The following CLSTN1 variants were observed in gnomAD, a reference collection of about 807,000 sequenced individuals.
CLSTN1 encodes the protein calsyntenin-1.
CLSTN1 carries 28 observed loss-of-function variants against 108.3 expected under a neutral mutation model. The ratio of observed to expected loss-of-function variants is 0.26; its 90% confidence interval spans 0.19 to 0.35. CLSTN1 has a LOEUF of 0.35. CLSTN1 is among the 10% of genes least tolerant of loss of function. CLSTN1 has a pLI of 1.00. For missense variants in CLSTN1, 1,157 were observed against 1,302.6 expected (o/e 0.89, Z 1.72); for synonymous variants, 524 against 534.9 (o/e 0.98, Z 0.28).
At chr1:9,746,576 T>G in intron 7 of CLSTN1, among the ~76,000 whole-genome samples, 1 of 152,186 alleles carries the variant, frequency 6.6e-6, no homozygotes, top group East Asian at 1.9e-4. Context: ...GAGCCAGGCA[T>G]GATGGCAGAT....
chr1:9,744,624 G>A lies in CLSTN1; in HGVS notation c.1005C>T (p.Ala335=), dbSNP rs757962287. 57 of 1,611,374 alleles carry A rather than the reference G, an allele frequency of 3.5e-5. No homozygotes were observed. The highest frequency in any genetic ancestry group is 6.7e-5 in the African/African-American group (5 of 74,908). Residue 335 remains alanine, a synonymous_variant, in exon 8 of 19, where the codon GCC becomes GCT. Coordinates refer to ENST00000377298, the MANE Select transcript of CLSTN1 (RefSeq NM_001009566.3). ...HRLCGAAAGT[A]ELLPSPSGSL... is the part of the protein sequence containing the mutation. Reference sequence around the variant, plus strand: ...ATCCACTCGGGGATGGCAGCAGCTCGGCAGTGCCCGCGGCCGCACCTGAAG... The same window carrying A: ...ATCCACTCGGGGATGGCAGCAGCTCAGCAGTGCCCGCGGCCGCACCTGAAG...
chr1:9,749,872 G>A lies in CLSTN1; in HGVS notation c.691C>T (p.His231Tyr), dbSNP rs1651470821. The A allele has an allele frequency of 6.2e-7, 1 of 1,613,656 alleles. No individual in the cohort carries two copies. The highest frequency in any genetic ancestry group is 1.3e-5 in the African/African-American group (1 of 74,894). Reference protein sequence around the residue: ...NTEKLNYGKEHQYKLTVTAYD... With the variant: ...NTEKLNYGKEYQYKLTVTAYD... ...GCAGTGACGGTCAGCTTATATTGAT[G>A]TTCTTTCCCGTAGTTTAATTTCTCT... The change falls in exon 6 of 19, where the codon CAT becomes TAT. Residue 231 changes from histidine to tyrosine, a missense_variant. By Grantham distance (83) the His-to-Tyr change is moderately conservative. Transcript: ENST00000377298.
intron 1 of CLSTN1, among the ~76,000 whole-genome samples, chr1:9,800,944 T>G (rs1168092223): frequency 6.9e-6 from 1 of 145,946 alleles, no homozygotes; most frequent in African/African-American, 2.6e-5. Context: ...GTCTCAAAAA[T>G]AAATAAATAA....
rs1364303605 is a variant in CLSTN1 at position 9,745,808 on chromosome 1, G to A, written c.986-1165C>T. On this transcript the variant is annotated intron_variant, in intron 7 of 18. Coordinates refer to ENST00000377298, the MANE Select transcript of CLSTN1 (RefSeq NM_001009566.3). ...TTTTTGAGACAGGGTCTCCTCTCTC[G>A]CCCAGGCTGCAGTGCAGTGGTGCAG... Among the ~76,000 whole-genome samples the A allele has an allele frequency of 4.4e-5, 5 of 113,546 alleles. No homozygotes were observed. The South Asian group carries it at 1.3e-3, about 29-fold the overall frequency. 74.5% of individuals were successfully genotyped at this position (113,546 alleles called of 152,430 possible). A position where few individuals can be genotyped will look rare whatever the true frequency, so the allele number is the denominator to read the frequency against.
intron 1 of CLSTN1, among the ~76,000 whole-genome samples, chr1:9,816,053 C>T (rs1385447842): frequency 2.0e-5 from 3 of 152,088 alleles, no homozygotes; most frequent in Non-Finnish European, 4.4e-5. Context: ...AATTCCTGTA[C>T]AAAAATGTTC....
In CLSTN1 at chr1:9,735,869, G is replaced by T; in HGVS notation, c.1734+16C>A. On this transcript the variant is annotated intron_variant, in intron 12 of 18. Coordinates refer to ENST00000377298, the MANE Select transcript of CLSTN1 (RefSeq NM_001009566.3). ...AGGGGCCCATGAGTGGTGTGCAGTC[G>T]AGCGCTCGGTGTTACCTGCACGCCT... is the stretch of plus-strand genomic sequence containing the variant. 2 of 1,613,648 alleles carry T rather than the reference G, an allele frequency of 1.2e-6. No homozygotes were observed. The highest frequency in any genetic ancestry group is 8.5e-7 in the Non-Finnish European group (1 of 1,179,874).
intron 1 of CLSTN1, among the ~76,000 whole-genome samples, chr1:9,775,229 C>T (rs1652878021): frequency 6.6e-6 from 1 of 152,012 alleles, no homozygotes; most frequent in African/African-American, 2.4e-5. Flanking sequence ...CCCAATAGAT[C>T]TCAACCTTAT....
intron 1 of CLSTN1, among the ~76,000 whole-genome samples, chr1:9,797,346 T>A (rs982559517): frequency 4.0e-5 from 6 of 151,710 alleles, no homozygotes; most frequent in Non-Finnish European, 8.8e-5. Context: ...AGAAAGAAAA[T>A]CAATCAGGCT....
At position 9,734,137 on chromosome 1, in the gene CLSTN1, C is replaced by G. The variant is rs1283925666; in HGVS notation, c.2116G>C (p.Glu706Gln). 1 of 1,613,898 alleles carries G rather than the reference C, an allele frequency of 6.2e-7. No homozygotes were observed. Residue 706 changes from glutamate to glutamine, a missense_variant, in exon 15 of 19, where the codon GAA becomes CAA. By Grantham distance (29) the Glu-to-Gln change is conservative. Transcript: ENST00000377298. This position sits in a 1 kb window ranked among gnomAD's most constrained non-coding sequence, Gnocchi z 4.8. Reference sequence around the variant, plus strand: ...ACGATCTCCTCGGACACCAGTGATTCTTGAACTGCAAAAGAGGCCCAACCA... The same window carrying G: ...ACGATCTCCTCGGACACCAGTGATTGTTGAACTGCAAAAGAGGCCCAACCA... The part of the protein sequence containing the change: ...GDGAEDPTVQ[E>Q]SLVSEEIVHD...
intron 1 of CLSTN1, among the ~76,000 whole-genome samples, chr1:9,804,708 T>G (rs1011946285): frequency 6.6e-6 from 1 of 152,024 alleles, no homozygotes; most frequent in Non-Finnish European, 1.5e-5. Context: ...CAGGCAGGCA[T>G]GTAGTCCCAG....
At chr1:9,806,861 AGAGT>A (rs554190396) in intron 1 of CLSTN1, among the ~76,000 whole-genome samples, 2 of 152,212 alleles carry the variant, frequency 1.3e-5, no homozygotes, top group Non-Finnish European at 2.9e-5. Context: ...CCTGGGCAAC[AGAGT>A]GAGATTCCGT....
chr1:9,790,425 G>A (rs1285898574), intron 1 of CLSTN1, among the ~76,000 whole-genome samples: 1 of 150,086 alleles, frequency 6.7e-6, no homozygotes, highest in Non-Finnish European at 1.5e-5. Flanking sequence ...GTATTGATTG[G>A]TGAATTATTG....
chr1:9,742,651 TTC>T (rs911878080), intron 9 of CLSTN1, among the ~76,000 whole-genome samples: 3 of 152,214 alleles, frequency 2.0e-5, no homozygotes, highest in African/African-American at 7.2e-5. Flanking sequence ...TGGTAATAGT[TTC>T]TGAGAAATAA....
At position 9,734,907 on chromosome 1, in the gene CLSTN1, C is replaced by T. The variant is rs748126361; in HGVS notation, c.2110+41G>A. 2.4e-5 allele frequency: 38 copies of T among 1,557,662 alleles called. No individual in the cohort carries two copies. Among genetic ancestry groups the T allele is most frequent in the East Asian group, 1.4e-4 (6 of 44,406 alleles). On this transcript the variant is annotated intron_variant, in intron 14 of 18. Transcript: ENST00000377298. This position sits in a 1 kb window ranked among gnomAD's most constrained non-coding sequence, Gnocchi z 4.8. ...AAGTACATGGGGACAATGGGGTTTC[C>T]GGCCGAGGCGAGGGAGCCCGCGCCC... is the stretch of plus-strand genomic sequence containing the variant.
At chr1:9,736,965 T>C (rs144839072) in intron 11 of CLSTN1, among the ~76,000 whole-genome samples, 2,279 of 152,050 alleles carry the variant, frequency 0.015, 37 homozygotes, top group East Asian at 0.043. Context: ...CCCAGCTACT[T>C]GGGAGGCTGA....
At chr1:9,820,272 C>A (rs1038502887) in intron 1 of CLSTN1, among the ~76,000 whole-genome samples, 2 of 152,148 alleles carry the variant, frequency 1.3e-5, no homozygotes, top group African/African-American at 2.4e-5. Flanking sequence ...GTAATCTCAG[C>A]ACTGTGGGAG....
chr1:9,797,865 G>A (rs1207839086), intron 1 of CLSTN1, among the ~76,000 whole-genome samples: 2 of 151,714 alleles, frequency 1.3e-5, no homozygotes, highest in Admixed American at 6.6e-5. Flanking sequence ...TGTATGAGGC[G>A]GGCAGATCAC....
intron 2 of CLSTN1, among the ~76,000 whole-genome samples, chr1:9,770,479 G>A (rs772829491): frequency 2.6e-5 from 4 of 152,272 alleles, no homozygotes; most frequent in Middle Eastern, 3.4e-3. Context: ...CTACGTCATC[G>A]TAGCAGGCAG....
At chr1:9,735,830 G>C (rs1055251172) in intron 12 of CLSTN1, 55 bp downstream of exon 12, 2 of 1,600,186 alleles carry the variant, frequency 1.2e-6, no homozygotes, top group Non-Finnish European at 1.7e-6. Context: ...ACCAGCCTCC[G>C]GGGCTGTAGT....
Sources: allele counts gnomAD v4.1 joint callset (sites outside exome capture counted in the v4.1 genomes callset), GRCh38; gene constraint gnomAD v4.1.1; non-coding constraint Gnocchi (gnomAD v3.1); transcripts MANE v1.5; gene names NCBI Gene and HGNC (gene_info 2026-07-23, HGNC 2026-07-21).